Variants in AUTS2 observed in about 807,000 individuals in gnomAD.
AUTS2 encodes autism susceptibility gene 2 protein.
AUTS2 carries 17 observed loss-of-function variants against 112.4 expected under a neutral mutation model. The observed-to-expected ratio is 0.15, with a 90% CI of 0.10 to 0.23. AUTS2 has a LOEUF of 0.23. Among genes scored for constraint, AUTS2 ranks in the 10% least tolerant of loss-of-function variants. The pLI, the probability that AUTS2 is intolerant of heterozygous loss-of-function variation, is 1.00. For synonymous variants in AUTS2, 751 were observed against 702.7 expected, an observed-to-expected ratio of 1.07 and a Z score of -1.09; for missense variants, 1,510 against 1,701.6, an observed-to-expected ratio of 0.89 and a Z score of 1.98.
intron 4 of AUTS2, among the ~76,000 whole-genome samples, chr7:70,211,980 C>T (rs993033149): frequency 3.3e-5 from 5 of 152,000 alleles, no homozygotes; most frequent in Non-Finnish European, 7.4e-5. Flanking sequence ...AGCGAGACTC[C>T]GTCTCAAAGA....
intron 4 of AUTS2, among the ~76,000 whole-genome samples, chr7:70,185,746 G>A (rs1584851170): frequency 6.6e-6 from 1 of 152,268 alleles, no homozygotes; most frequent in East Asian, 1.9e-4. Flanking sequence ...GTCTTTACAT[G>A]TGTAGAATCA....
chr7:70,211,738 G>C (rs1160877665), intron 4 of AUTS2, among the ~76,000 whole-genome samples: 6 of 152,028 alleles, frequency 3.9e-5, no homozygotes, highest in African/African-American at 1.4e-4. Flanking sequence ...TGTAATCTCA[G>C]CACTTTGGGA....
chr7:69,674,968 A>G (rs1796492084), intron 1 of AUTS2, among the ~76,000 whole-genome samples: 1 of 152,196 alleles, frequency 6.6e-6, no homozygotes, highest in Non-Finnish European at 1.5e-5. Context: ...AGTTGGTTGC[A>G]TTTGTTAATA....
chr7:70,072,181 C>G (rs1242296849), intron 2 of AUTS2, among the ~76,000 whole-genome samples: 1 of 152,140 alleles, frequency 6.6e-6, no homozygotes, highest in African/African-American at 2.4e-5. Context: ...ACCTTCCCTC[C>G]GTGATCCCTG....
chr7:70,174,588 C>T (rs1187951129), intron 4 of AUTS2, among the ~76,000 whole-genome samples: 1 of 152,180 alleles, frequency 6.6e-6, no homozygotes, highest in African/African-American at 2.4e-5. Context: ...AAAGGACAGG[C>T]TGACTCTTCG....
chr7:69,944,343 C>T (rs532126554), intron 2 of AUTS2, among the ~76,000 whole-genome samples: 3 of 152,208 alleles, frequency 2.0e-5, no homozygotes, highest in Admixed American at 1.3e-4. Context: ...TGGGCATGCT[C>T]GAAAAGGGGG....
At chr7:69,714,151 C>A (rs1185308727) in intron 1 of AUTS2, among the ~76,000 whole-genome samples, 1 of 151,700 alleles carries the variant, frequency 6.6e-6, no homozygotes, top group South Asian at 2.1e-4. Context: ...GCCTTGACCT[C>A]CTGGGTTCAA....
At chr7:69,629,621 C>G (rs1794132955) in intron 1 of AUTS2, among the ~76,000 whole-genome samples, 1 of 152,154 alleles carries the variant, frequency 6.6e-6, no homozygotes, top group Non-Finnish European at 1.5e-5. Flanking sequence ...GCCAGTTGAT[C>G]CAGTAAGTAA....
chr7:70,037,902 A>T (rs944389600), intron 2 of AUTS2, among the ~76,000 whole-genome samples: 2 of 152,230 alleles, frequency 1.3e-5, no homozygotes, highest in South Asian at 2.1e-4. Flanking sequence ...GGTATTAAAA[A>T]TATATAAAGT....
At chr7:70,520,024 T>C (rs1487888725) in intron 5 of AUTS2, among the ~76,000 whole-genome samples, 2 of 152,238 alleles carry the variant, frequency 1.3e-5, no homozygotes, top group Admixed American at 1.3e-4. Flanking sequence ...ATCAGATATG[T>C]GATTTCCAGA....
chr7:70,153,937 G>T (rs946147322), intron 4 of AUTS2, among the ~76,000 whole-genome samples: 1 of 152,134 alleles, frequency 6.6e-6, no homozygotes, highest in African/African-American at 2.4e-5. Context: ...GCTCAAAATT[G>T]CTCTCTGATA....
At chr7:69,784,495 C>T (rs896756938) in intron 1 of AUTS2, among the ~76,000 whole-genome samples, 2 of 152,274 alleles carry the variant, frequency 1.3e-5, no homozygotes, top group East Asian at 1.9e-4. Context: ...GGCTTCTGAC[C>T]TTGGCTGAAG....
At chr7:70,471,606 C>T (rs1797386060) in intron 5 of AUTS2, among the ~76,000 whole-genome samples, 1 of 152,138 alleles carries the variant, frequency 6.6e-6, no homozygotes, top group South Asian at 2.1e-4. Flanking sequence ...TAATATCTCT[C>T]TCCTGCCTTC....
intron 4 of AUTS2, among the ~76,000 whole-genome samples, chr7:70,182,192 T>C (rs1809351709): frequency 6.6e-6 from 1 of 152,216 alleles, no homozygotes. Flanking sequence ...AAGTTGATAC[T>C]CCTCAGCTTG....
At chr7:70,423,193 G>A (rs1306512346) in intron 4 of AUTS2, among the ~76,000 whole-genome samples, 2 of 152,134 alleles carry the variant, frequency 1.3e-5, no homozygotes, top group Non-Finnish European at 2.9e-5. Flanking sequence ...TAAGTGCCAG[G>A]TACTTTAGTT....
At position 70,720,406 on chromosome 7, in the gene AUTS2, C is replaced by T. The variant is rs894385795; in HGVS notation, c.742+21786C>T. Among the ~76,000 whole-genome samples, 4 of 152,058 alleles carry T rather than the reference C, an allele frequency of 2.6e-5. No homozygotes were observed. In the South Asian group the frequency reaches 6.2e-4, roughly 24 times the overall value. On this transcript the variant is annotated intron_variant, in intron 6 of 18. Coordinates refer to ENST00000342771, the MANE Select transcript of AUTS2 (RefSeq NM_015570.4). ...GCGTCAATCTGTAGGGATTATGCAG[C>T]GGGGGAAGAAGGTGGCTATTACCCA... is the stretch of plus-strand genomic sequence containing the variant.
chr7:69,914,118 C>G (rs1795466850), intron 2 of AUTS2, among the ~76,000 whole-genome samples: 1 of 152,078 alleles, frequency 6.6e-6, no homozygotes, highest in Non-Finnish European at 1.5e-5. Context: ...TTTCTATGTC[C>G]TTCCTTATGT....
chr7:69,671,284 G>T (rs1796310272), intron 1 of AUTS2, among the ~76,000 whole-genome samples: 1 of 152,158 alleles, frequency 6.6e-6, no homozygotes, highest in African/African-American at 2.4e-5. Context: ...TCATTTAGTT[G>T]CATAACCTTG....
chr7:70,534,697 A>G (rs1800240269), intron 5 of AUTS2, among the ~76,000 whole-genome samples: 1 of 152,112 alleles, frequency 6.6e-6, no homozygotes, highest in South Asian at 2.1e-4. Context: ...AAGTGCTGGG[A>G]TTACAGGCGT....
Sources: allele counts gnomAD v4.1 joint callset (sites outside exome capture counted in the v4.1 genomes callset), GRCh38; gene constraint gnomAD v4.1.1; transcripts MANE v1.5; gene names NCBI Gene and HGNC (gene_info 2026-07-23, HGNC 2026-07-21).